Variants in PCDH9 observed in about 807,000 individuals in gnomAD.
The protein encoded by PCDH9 is protocadherin 9.
PCDH9 carries 24 observed loss-of-function variants against 70.6 expected under a neutral mutation model. The observed-to-expected ratio is 0.34, with a 90% CI of 0.25 to 0.48. The LOEUF is 0.48. PCDH9 is among the 20% of genes least tolerant of loss of function. The probability of loss-of-function intolerance (pLI) is 0.99; values close to 1 mark genes in which losing one functional copy is unlikely to be tolerated. For missense variants in PCDH9, 1,281 were observed against 1,503.6 expected (o/e 0.85, Z 2.45); for synonymous variants, 562 against 558.5 (o/e 1.01, Z -0.09).
intron 2 of PCDH9, chr13:67,222,242 G>GTTTTTTTT (rs3043235): frequency 7.3e-6 from 1 of 137,922 alleles, no homozygotes; most frequent in East Asian, 2.1e-4. Flanking sequence ...AAACTTTGTT[G>GTTTTTTTT]TTTTTTTTTT....
chr13:66,905,046 CCT>C (rs1190374386), intron 2 of PCDH9, among the ~76,000 whole-genome samples: 4 of 151,940 alleles, frequency 2.6e-5, no homozygotes, highest in Middle Eastern at 3.2e-3. Flanking sequence ...GCCATTTTAA[CCT>C]CTGTTTCTAA....
intron 4 of PCDH9, among the ~76,000 whole-genome samples, chr13:66,468,847 C>T (rs1958563051): frequency 2.6e-5 from 4 of 152,020 alleles, no homozygotes; most frequent in Admixed American, 2.6e-4. Flanking sequence ...TATATACTCC[C>T]TGAAGGCTTA....
intron 2 of PCDH9, among the ~76,000 whole-genome samples, chr13:66,925,111 G>A (rs2082696739): frequency 6.6e-6 from 1 of 151,718 alleles, no homozygotes; most frequent in Admixed American, 6.6e-5. Flanking sequence ...AAATCTGTTC[G>A]CTGTCAATTT....
At chr13:66,673,369 C>A (rs2078203160) in intron 3 of PCDH9, among the ~76,000 whole-genome samples, 1 of 152,118 alleles carries the variant, frequency 6.6e-6, no homozygotes, top group Non-Finnish European at 1.5e-5. Flanking sequence ...GCTTCCCCAG[C>A]CATGTGGAAT....
chr13:67,034,672 C>CTT lies in PCDH9; in HGVS notation c.3037-131069_3037-131068dup, dbSNP rs35194684. 1.7e-3 allele frequency among the ~76,000 whole-genome samples: 248 copies of CTT among 143,836 alleles called. 1 individual carries two copies. Among genetic ancestry groups the CTT allele is most frequent in the East Asian group, 2.0e-3 (10 of 4,896 alleles). The allele number at this position is 143,836 out of a possible 152,430, so 94.4% of individuals were successfully genotyped here. ...TGCTAGAAAGTCCTTCCATTTCTTT[C>CTT]TTTTTTTTTTTTTTAACTTTTAGTT... is the stretch of plus-strand genomic sequence containing the variant. On this transcript the variant is annotated intron_variant, in intron 2 of 4. Transcript: ENST00000377865.
chr13:67,097,378 A>AT (rs1156239844), intron 2 of PCDH9, among the ~76,000 whole-genome samples: 3 of 152,218 alleles, frequency 2.0e-5, no homozygotes, highest in African/African-American at 7.2e-5. Flanking sequence ...CAATTTAAGA[A>AT]TTTTATCTGC....
intron 4 of PCDH9, among the ~76,000 whole-genome samples, chr13:66,446,746 C>T (rs7317477): frequency 0.28 from 43,213 of 151,796 alleles, 6,295 homozygotes; most frequent in South Asian, 0.37. Flanking sequence ...GTTGTAGCAT[C>T]GGTCAAATGT....
At chr13:66,784,487 A>G (rs1280860114) in intron 3 of PCDH9, among the ~76,000 whole-genome samples, 2 of 152,106 alleles carry the variant, frequency 1.3e-5, no homozygotes, top group Non-Finnish European at 2.9e-5. Context: ...GAAACCCTGG[A>G]CCACCCATCT....
intron 3 of PCDH9, among the ~76,000 whole-genome samples, chr13:66,723,994 T>C (rs1676985855): frequency 6.6e-6 from 1 of 152,148 alleles, no homozygotes. Flanking sequence ...GCTACAAAAT[T>C]TAGAGAAGAA....
At chr13:66,799,514 C>T (rs1407892455) in intron 3 of PCDH9, among the ~76,000 whole-genome samples, 1 of 152,098 alleles carries the variant, frequency 6.6e-6, no homozygotes, top group Admixed American at 6.6e-5. Flanking sequence ...TTGTGTTCCT[C>T]TAATAGATAG....
At chr13:66,737,543 G>A (rs1026343697) in intron 3 of PCDH9, among the ~76,000 whole-genome samples, 12 of 152,188 alleles carry the variant, frequency 7.9e-5, no homozygotes, top group Non-Finnish European at 1.6e-4. Flanking sequence ...CAGCGTGAGC[G>A]ACGCAGAAGA....
intron 4 of PCDH9, among the ~76,000 whole-genome samples, chr13:66,537,918 T>C (rs1360739782): frequency 2.0e-5 from 3 of 152,152 alleles, no homozygotes; most frequent in Admixed American, 6.6e-5. Flanking sequence ...TAATTTATTG[T>C]GGATTGTTCC....
intron 4 of PCDH9, among the ~76,000 whole-genome samples, chr13:66,590,820 T>C (rs1364829864): frequency 6.6e-6 from 1 of 151,842 alleles, no homozygotes; most frequent in Non-Finnish European, 1.5e-5. Flanking sequence ...TCTTTATATA[T>C]AGCTCTATTT....
At chr13:66,746,936 G>A (rs544186635) in intron 3 of PCDH9, among the ~76,000 whole-genome samples, 13 of 152,230 alleles carry the variant, frequency 8.5e-5, no homozygotes, top group African/African-American at 2.4e-4. Flanking sequence ...CCCAACTTTC[G>A]TGATTTGTGA....
intron 4 of PCDH9, among the ~76,000 whole-genome samples, chr13:66,479,504 A>T (rs1414883552): frequency 6.6e-6 from 1 of 152,158 alleles, no homozygotes; most frequent in East Asian, 1.9e-4. Context: ...ATCATTTGTG[A>T]CTCATGGGAA....
chr13:67,063,530 CA>C (rs5804308), intron 2 of PCDH9, among the ~76,000 whole-genome samples: 13 of 147,848 alleles, frequency 8.8e-5, no homozygotes, highest in South Asian at 4.2e-4. Flanking sequence ...CTTTCCAAGG[CA>C]AAAAAAAAAA....
chr13:66,421,296 G>C (rs949407133), intron 4 of PCDH9, among the ~76,000 whole-genome samples: 6 of 152,116 alleles, frequency 3.9e-5, no homozygotes, highest in African/African-American at 1.4e-4. Context: ...AGCAAGACAG[G>C]CCAACATTGA....
intron 4 of PCDH9, among the ~76,000 whole-genome samples, chr13:66,485,614 G>T (rs9540771): frequency 0.47 from 70,751 of 151,884 alleles, 17,685 homozygotes; most frequent in African/African-American, 0.65. Context: ...CATATATATA[G>T]AGAGAGAGAC....
At chr13:66,621,166 A>C (rs112336222) in intron 4 of PCDH9, among the ~76,000 whole-genome samples, 5 of 152,304 alleles carry the variant, frequency 3.3e-5, no homozygotes, top group African/African-American at 1.2e-4. Flanking sequence ...CCTTGAGTGT[A>C]GGCAAGACAT....
Sources: allele counts gnomAD v4.1 joint callset (sites outside exome capture counted in the v4.1 genomes callset), GRCh38; gene constraint gnomAD v4.1.1; transcripts MANE v1.5; gene names NCBI Gene and HGNC (gene_info 2026-07-23, HGNC 2026-07-21).